TUFT1: variants seen among roughly 807,000 people sequenced by gnomAD.
The protein encoded by TUFT1 is tuftelin 1, also known as tuftelin.
Under a neutral mutation model 57.8 loss-of-function variants are expected in TUFT1, and 43 were observed. The observed-to-expected ratio is 0.74, with a 90% confidence interval of 0.58 to 0.96. The LOEUF is 0.96. Among genes scored for constraint, TUFT1 ranks in the 40% least tolerant of loss-of-function variants. The probability of loss-of-function intolerance (pLI) is 0.00; values close to 1 mark genes in which losing one functional copy is unlikely to be tolerated. For missense variants in TUFT1, 459 were observed against 489.0 expected, an observed-to-expected ratio of 0.94 and a Z score of 0.58; for synonymous variants, 166 against 176.7, an observed-to-expected ratio of 0.94 and a Z score of 0.48.
At chr1:151,541,369 TGAG>T (rs1665160948) in intron 1 of TUFT1, among the ~76,000 whole-genome samples, 1 of 152,202 alleles carries the variant, frequency 6.6e-6, no homozygotes, top group African/African-American at 2.4e-5. Context: ...CTCCAGAGGC[TGAG>T]GAGGGTAATT....
chr1:151,548,048 A>C (rs1248477967), intron 1 of TUFT1, among the ~76,000 whole-genome samples: 1 of 152,158 alleles, frequency 6.6e-6, no homozygotes, highest in African/African-American at 2.4e-5. Context: ...GAAGAAAGGG[A>C]GTGATTCTTT....
intron 1 of TUFT1, among the ~76,000 whole-genome samples, chr1:151,558,280 C>T (rs1013533374): frequency 2.0e-5 from 3 of 151,850 alleles, no homozygotes; most frequent in African/African-American, 2.4e-5. Context: ...GACCGTTCTT[C>T]TCTTTCAGCA....
chr1:151,548,955 T>C (rs983746864), intron 1 of TUFT1, among the ~76,000 whole-genome samples: 2 of 152,134 alleles, frequency 1.3e-5, no homozygotes, highest in African/African-American at 4.8e-5. Flanking sequence ...TTTATCTCCT[T>C]ATCTCTGCTG....
chr1:151,565,917 T>G, intron 5 of TUFT1: 1 of 411,002 alleles, frequency 2.4e-6, no homozygotes, highest in Non-Finnish European at 4.6e-6. Flanking sequence ...CCCCTCTTGT[T>G]TCTATTTTCT....
intron 1 of TUFT1, among the ~76,000 whole-genome samples, chr1:151,559,566 G>T (rs1218081808): frequency 6.6e-6 from 1 of 152,196 alleles, no homozygotes; most frequent in African/African-American, 2.4e-5. Context: ...GTAGCAAGAG[G>T]TGTGAGTTTA....
chr1:151,555,730 T>C (rs1347394041), intron 1 of TUFT1, among the ~76,000 whole-genome samples: 2 of 142,118 alleles, frequency 1.4e-5, no homozygotes, highest in Admixed American at 7.5e-5. Flanking sequence ...TGAGCTGAGA[T>C]GGTGCCATTG....
At chr1:151,578,852 C>A in intron 10 of TUFT1, 26 bp downstream of exon 10, 1 of 1,526,826 alleles carries the variant, frequency 6.5e-7, no homozygotes, top group East Asian at 2.5e-5. Context: ...TTGTAACCTG[C>A]CCTCGGGGAG....
At chr1:151,564,142 A>G (rs754089145) in intron 4 of TUFT1, 152 bp downstream of exon 4, 24 of 646,272 alleles carry the variant, frequency 3.7e-5, no homozygotes, top group Non-Finnish European at 5.9e-5. Flanking sequence ...TGTCAAATAT[A>G]TAACTTTTGA....
At chr1:151,541,477 A>C (rs1034518441) in intron 1 of TUFT1, among the ~76,000 whole-genome samples, 1 of 152,038 alleles carries the variant, frequency 6.6e-6, no homozygotes, top group Non-Finnish European at 1.5e-5. Context: ...GTGGGAGTGA[A>C]ATGAAAACTA....
intron 1 of TUFT1, among the ~76,000 whole-genome samples, chr1:151,561,104 C>T (rs1198338906): frequency 1.3e-5 from 2 of 152,056 alleles, no homozygotes; most frequent in East Asian, 1.9e-4. Flanking sequence ...CGCCATTCTG[C>T]TGCCTCAGCC....
At chr1:151,562,274 G>C in intron 2 of TUFT1, 109 bp downstream of exon 2, 1 of 975,760 alleles carries the variant, frequency 1.0e-6, no homozygotes, top group Non-Finnish European at 1.6e-6. Context: ...TGCGAGCGTG[G>C]GAGCCCCTCC....
intron 6 of TUFT1, among the ~76,000 whole-genome samples, chr1:151,567,219 A>G (rs1467019266): frequency 6.6e-6 from 1 of 151,820 alleles, no homozygotes; most frequent in Non-Finnish European, 1.5e-5. Flanking sequence ...AATTTTTATA[A>G]TTATTATTTT....
At chr1:151,557,573 A>G in intron 1 of TUFT1, 2 of 1,128,726 alleles carry the variant, frequency 1.8e-6, no homozygotes. Context: ...CCCAATCTTC[A>G]TGTCATGAAG....
chr1:151,572,465 A>G (rs768782712), intron 7 of TUFT1, among the ~76,000 whole-genome samples: 4 of 152,120 alleles, frequency 2.6e-5, no homozygotes, highest in Non-Finnish European at 4.4e-5. Flanking sequence ...TGCAGTGTTT[A>G]TTTATGTACA....
Position 151,562,628 on chromosome 1 carries a change from G to T in TUFT1, c.179G>T (p.Gly60Val), listed in dbSNP as rs1558008218. Residue 60 changes from glycine (G) to valine (V), a missense_variant, in exon 3 of 13, where the codon GGT becomes GTT. Gly to Val is a moderately radical substitution (Grantham distance 109). Coordinates refer to ENST00000368849, the MANE Select transcript of TUFT1 (RefSeq NM_020127.3). ...GCCATGGTGTCCAGCCACTCAGCTGGTCATTCTCTGGCTTCAGAACTGGTG... is the reference window on the plus strand; with the variant it reads ...GCCATGGTGTCCAGCCACTCAGCTGTTCATTCTCTGGCTTCAGAACTGGTG... Reference protein sequence around the residue: ...TYAMVSSHSAGHSLASELVES... With the variant: ...TYAMVSSHSAVHSLASELVES... The T allele has an allele frequency of 3.1e-6, 5 of 1,613,094 alleles. No individual in the cohort carries two copies. Among genetic ancestry groups the T allele is most frequent in the Middle Eastern group, 1.9e-4 (1 of 5,252 alleles).
At chr1:151,581,138 C>A in intron 12 of TUFT1, 96 bp downstream of exon 12, 3 of 1,180,392 alleles carry the variant, frequency 2.5e-6, no homozygotes, top group East Asian at 2.4e-5. Context: ...AAGAACAAGG[C>A]TCCTTTAAAT....
intron 12 of TUFT1, 149 bp downstream of exon 12, chr1:151,581,191 A>G (rs1474931583): frequency 2.0e-5 from 15 of 742,368 alleles, no homozygotes; most frequent in East Asian, 5.4e-5. Flanking sequence ...TGCCGGAACC[A>G]TTTTCTAGCC....
intron 8 of TUFT1, 80 bp downstream of exon 8, chr1:151,574,478 G>A: frequency 1.3e-6 from 2 of 1,565,056 alleles, no homozygotes; most frequent in Non-Finnish European, 1.7e-6. Context: ...CGGTTGCCGA[G>A]ACCCTTCTTT....
chr1:151,562,014 A>AC, intron 1 of TUFT1, 77 bp from the exon 2 acceptor site: 1 of 1,511,566 alleles, frequency 6.6e-7, no homozygotes, highest in Non-Finnish European at 9.1e-7. Context: ...TGGCAGAAGC[A>AC]CCCCTGTACT....
Sources: allele counts gnomAD v4.1 joint callset (sites outside exome capture counted in the v4.1 genomes callset), GRCh38; gene constraint gnomAD v4.1.1; transcripts MANE v1.5; gene names NCBI Gene and HGNC (gene_info 2026-07-23, HGNC 2026-07-21).